Variants in CD4 observed in about 807,000 individuals in gnomAD.
The protein encoded by CD4 is CD4 molecule.
A neutral mutation model predicts 50.5 loss-of-function variants in CD4; 25 were observed. That is an observed-to-expected ratio of 0.49 (90% CI 0.36 to 0.69). The LOEUF is 0.69. CD4 is among the 30% of genes least tolerant of loss of function. The pLI is 0.00. For synonymous variants in CD4, 207 were observed against 221.9 expected (o/e 0.93, Z 0.60); for missense variants, 456 against 548.5 (o/e 0.83, Z 1.68).
rs967088282 is a variant in CD4 at position 6,816,689 on chromosome 12, A to G, written c.955+286A>G. ...TGTGACCCTGGCTAAGCCCCCTCCC[A>G]CTGCAGGCCTGCTTCCTGACCTGTC... On this transcript the variant is annotated intron_variant, in intron 6 of 9. Transcript: ENST00000011653. The surrounding 1 kb of genome is among the most constrained non-coding windows in gnomAD (Gnocchi z 4.9). 1.7e-4 allele frequency among the ~76,000 whole-genome samples: 26 copies of G among 152,170 alleles called. No individual in the cohort carries two copies. Among genetic ancestry groups the G allele is most frequent in the Admixed American group, 5.2e-4 (8 of 15,274 alleles).
chr12:6,815,967 A>T, intron 5 of CD4, 89 bp from the exon 6 acceptor site: 1 of 1,575,246 alleles, frequency 6.3e-7, no homozygotes, highest in Admixed American at 1.8e-5. Flanking sequence ...GTCCCCTTCC[A>T]TCTCCCTGCT....
At chr12:6,815,742 C>T (rs782002864) in intron 5 of CD4, 45 of 1,369,806 alleles carry the variant, frequency 3.3e-5, no homozygotes, top group East Asian at 4.1e-5. Flanking sequence ...GTGATGAATA[C>T]GCCTCTAAGG....
chr12:6,794,765 C>CTGTA (rs1942312234), intron 1 of CD4, among the ~76,000 whole-genome samples: 1 of 121,830 alleles, frequency 8.2e-6, no homozygotes, highest in Admixed American at 8.5e-5. Context: ...ATCTATCTGT[C>CTGTA]TGTATGTCTG....
chr12:6,797,945 C>G (rs986594066), intron 1 of CD4, among the ~76,000 whole-genome samples: 1 of 152,122 alleles, frequency 6.6e-6, no homozygotes, highest in Admixed American at 6.5e-5. Flanking sequence ...CTTCACTAAT[C>G]CTCCTCAGCA....
rs782564946 is a variant in CD4, at chr12:6,814,993, G to A, written c.607+1G>A. On this transcript the variant is annotated splice_donor_variant, in intron 5 of 9. Transcript: ENST00000011653. LOFTEE classifies it high-confidence loss of function. ...TTCAAAATAGACATCGTGGTGCTAG[G>A]TAAGGGAAGCCCCTCTTCGCGCAGT... is the stretch of plus-strand genomic sequence containing the variant. 6.2e-7 allele frequency: 1 copy of A among 1,604,906 alleles called. No individual in the cohort carries two copies. Among genetic ancestry groups the A allele is most frequent in the Non-Finnish European group, 8.5e-7 (1 of 1,172,512 alleles).
chr12:6,797,278 C>G (rs1484977404), intron 1 of CD4, among the ~76,000 whole-genome samples: 1 of 152,022 alleles, frequency 6.6e-6, no homozygotes. Context: ...GCCAAGCGCA[C>G]AGGAAACTCT....
intron 3 of CD4, among the ~76,000 whole-genome samples, chr12:6,804,739 G>A (rs1219946099): frequency 3.3e-5 from 5 of 151,972 alleles, no homozygotes; most frequent in East Asian, 3.9e-4. Context: ...GAGCATGGCC[G>A]GGTGCAGTGG....
chr12:6,809,236 T>C (rs1225901490), intron 3 of CD4, among the ~76,000 whole-genome samples: 5 of 152,142 alleles, frequency 3.3e-5, no homozygotes, highest in African/African-American at 1.2e-4. Flanking sequence ...CTGCCACCTA[T>C]TGTAATCCTA....
At chr12:6,814,537 G>T in intron 4 of CD4, 1 of 651,998 alleles carries the variant, frequency 1.5e-6, no homozygotes, top group Admixed American at 2.8e-5. Context: ...GGCAAGGGAA[G>T]GAGGGAGAGA....
rs1555117911 is a variant in CD4 at position 6,816,201 on chromosome 12, G to C, written c.753G>C (p.Trp251Cys). ...QAERASSSKS[W>C]ITFDLKNKEV... ...AGAGGGCTTCCTCCTCCAAGTCTTG[G>C]ATCACCTTTGACCTGAAGAACAAGG... The change falls in exon 6 of 10, where the codon TGG becomes TGC. Residue 251 changes from tryptophan (W) to cysteine (C), a missense_variant. Coordinates refer to ENST00000011653, the MANE Select transcript of CD4 (RefSeq NM_000616.5). This position sits in a 1 kb window ranked among gnomAD's most constrained non-coding sequence, Gnocchi z 4.9. 6.2e-7 allele frequency: 1 copy of C among 1,614,150 alleles called. No individual in the cohort carries two copies. The highest frequency in any genetic ancestry group is 8.5e-7 in the Non-Finnish European group (1 of 1,180,026).
chr12:6,808,237 G>A (rs1257091242), intron 3 of CD4, among the ~76,000 whole-genome samples: 1 of 58,412 alleles, frequency 1.7e-5, no homozygotes, highest in Non-Finnish European at 3.3e-5. Flanking sequence ...GGTGGATCAC[G>A]AGGTCAGGAG....
rs954679748 is a variant in CD4 at position 6,792,275 on chromosome 12, C to A, written c.-68+2613C>A. 6.6e-6 allele frequency among the ~76,000 whole-genome samples: 1 copy of A among 152,086 alleles called. No individual in the cohort carries two copies. The highest frequency in any genetic ancestry group is 2.4e-5 in the African/African-American group (1 of 41,408). Reference sequence around the variant, plus strand: ...CCCTCCCAAGCCTCGCCCCTCATCCCATCCCTGGGGGCCAGGGGTGAGGGC... The same window carrying A: ...CCCTCCCAAGCCTCGCCCCTCATCCAATCCCTGGGGGCCAGGGGTGAGGGC... On this transcript the variant is annotated intron_variant, in intron 1 of 9. Transcript: ENST00000011653. The surrounding 1 kb of genome is among the most constrained non-coding windows in gnomAD (Gnocchi z 4.1).
At chr12:6,798,036 G>T (rs762237221) in intron 1 of CD4, among the ~76,000 whole-genome samples, 1 of 152,086 alleles carries the variant, frequency 6.6e-6, no homozygotes, top group Admixed American at 6.6e-5. Context: ...TGTCTCAGTG[G>T]GGGGAAACCT....
In CD4 at chr12:6,818,150, C is replaced by G. The variant is rs1229861793; in HGVS notation, c.1157-271C>G. ...TCACACACGCACACACATGCACACA[C>G]TCACACATGCACACACACATGCACT... is the stretch of plus-strand genomic sequence containing the variant. On this transcript the variant is annotated intron_variant, in intron 7 of 9. Transcript: ENST00000011653. The surrounding 1 kb of genome is among the most constrained non-coding windows in gnomAD (Gnocchi z 5.0). Among the ~76,000 whole-genome samples the G allele has an allele frequency of 2.6e-5, 4 of 152,146 alleles. No homozygotes were observed. The highest frequency in any genetic ancestry group is 4.8e-5 in the African/African-American group (2 of 41,404).
Position 6,812,771 on chromosome 12 carries a change from T to TTGTGTGTGTGTG in CD4, c.215-1345_215-1334dup, listed in dbSNP as rs782347075. 5.9e-4 allele frequency among the ~76,000 whole-genome samples: 34 copies of TTGTGTGTGTGTG among 57,604 alleles called. 1 individual carries two copies. Among genetic ancestry groups the TTGTGTGTGTGTG allele is most frequent in the Admixed American group, 1.9e-3 (9 of 4,824 alleles). 37.8% of individuals were successfully genotyped at this position (57,604 alleles called of 152,430 possible). ...TTCCTAGAGGCAACCAAGGTTATTT[T>TTGTGTGTGTGTG]TGTGTGTGTGTGTGTGTGTGTGTGT... On this transcript the variant is annotated intron_variant, in intron 3 of 9. Transcript: ENST00000011653.
chr12:6,801,516 CAA>C (rs200977719), intron 3 of CD4, among the ~76,000 whole-genome samples: 45 of 120,242 alleles, frequency 3.7e-4, no homozygotes, highest in East Asian at 7.1e-4. Flanking sequence ...GACTTCATCT[CAA>C]AAAAAAAAAA....
chr12:6,805,599 T>A (rs1297957220), intron 3 of CD4, among the ~76,000 whole-genome samples: 7 of 151,562 alleles, frequency 4.6e-5, no homozygotes, highest in African/African-American at 1.7e-4. Context: ...CATTGAATTG[T>A]ATGCTAAAAA....
In CD4 at chr12:6,818,469, T is replaced by TG. The variant is rs782711669; in HGVS notation, c.1211dup (p.Val405ArgfsTer37). The TG allele has an allele frequency of 3.7e-6, 6 of 1,612,910 alleles. No individual in the cohort carries two copies. Among genetic ancestry groups the TG allele is most frequent in the Non-Finnish European group, 5.1e-6 (6 of 1,180,012 alleles). ...GTGCAGCCAATGGCCCTGATTGTGC[T>TG]GGGGGGCGTCGCCGGCCTCCTGCTT... On this transcript the variant is annotated frameshift_variant, in exon 8 of 10. Coordinates refer to ENST00000011653, the MANE Select transcript of CD4 (RefSeq NM_000616.5). LOFTEE classifies it high-confidence loss of function. The surrounding 1 kb of genome is among the most constrained non-coding windows in gnomAD (Gnocchi z 5.0).
Position 6,820,055 on chromosome 12 carries a change from G to T in CD4, c.*726G>T, listed in dbSNP as rs1330831253. The T allele has an allele frequency of 1.3e-5, 2 of 152,356 alleles. No homozygotes were observed. The highest frequency in any genetic ancestry group is 2.9e-5 in the Non-Finnish European group (2 of 68,086). The allele number at this position is 152,356 out of a possible 1,614,324, so 9.4% of individuals were successfully genotyped here. A position where few individuals can be genotyped will look rare whatever the true frequency, so the allele number is the denominator to read the frequency against. ...GAGAGGCTAGATGATTGATTACCAA[G>T]TGCCGGACTAGCAAGTGCTGGAGTC... On this transcript the variant is annotated 3_prime_UTR_variant, in exon 10 of 10. Coordinates refer to ENST00000011653, the MANE Select transcript of CD4 (RefSeq NM_000616.5).
Sources: gnomAD v4.1 joint callset for allele counts (sites outside exome capture counted in the v4.1 genomes callset) on GRCh38, gnomAD v4.1.1 for gene constraint, Gnocchi (gnomAD v3.1) non-coding constraint, MANE v1.5 for transcripts, NCBI Gene and HGNC (gene_info 2026-07-23, HGNC 2026-07-21) for gene names.